Variants in NKAIN3 observed in about 807,000 individuals in gnomAD.
NKAIN3 encodes sodium/potassium transporting ATPase interacting 3.
A neutral mutation model predicts 30.2 loss-of-function variants in NKAIN3; 25 were observed. The observed-to-expected ratio is 0.83, with a 90% CI of 0.60 to 1.16. The LOEUF is 1.16. Among genes scored for constraint, NKAIN3 ranks in the 50% most tolerant of loss-of-function variants. NKAIN3 has a pLI of 0.00. For synonymous variants in NKAIN3, 91 were observed against 89.6 expected (o/e 1.02, Z -0.09); for missense variants, 225 against 254.1 (o/e 0.89, Z 0.78).
intron 3 of NKAIN3, among the ~76,000 whole-genome samples, chr8:62,677,176 T>C (rs1475740439): frequency 1.3e-5 from 2 of 152,180 alleles, no homozygotes; most frequent in South Asian, 2.1e-4. Context: ...TTCTCAGAAA[T>C]AGCACCTGTA....
At chr8:62,553,009 A>G (rs1809266151) in intron 1 of NKAIN3, among the ~76,000 whole-genome samples, 1 of 152,186 alleles carries the variant, frequency 6.6e-6, no homozygotes, top group Non-Finnish European at 1.5e-5. Context: ...AAAAGCCCCA[A>G]ATCTCCTTCC....
intron 4 of NKAIN3, among the ~76,000 whole-genome samples, chr8:62,882,458 T>C (rs531309066): frequency 1.3e-5 from 2 of 152,040 alleles, no homozygotes; most frequent in Non-Finnish European, 2.9e-5. Context: ...GCTAGCATTA[T>C]AGGCATCCAT....
At chr8:62,900,416 G>A (rs1279305033) in intron 4 of NKAIN3, among the ~76,000 whole-genome samples, 1 of 152,194 alleles carries the variant, frequency 6.6e-6, no homozygotes, top group Non-Finnish European at 1.5e-5. Flanking sequence ...ACTTTGCTAA[G>A]TAAATGCAGC....
intron 1 of NKAIN3, among the ~76,000 whole-genome samples, chr8:62,368,817 T>C (rs1816817738): frequency 1.1e-5 from 1 of 87,700 alleles, no homozygotes; most frequent in Non-Finnish European, 3.0e-5. Context: ...TAAAAACTTT[T>C]TCTTGTTTTT....
Position 62,579,547 on chromosome 8 carries a change from A to G in NKAIN3, c.63A>G (p.Ala21=), listed in dbSNP as rs745458060. 6.8e-6 allele frequency: 11 copies of G among 1,608,420 alleles called. No individual in the cohort carries two copies. The highest frequency in any genetic ancestry group is 9.3e-6 in the Non-Finnish European group (11 of 1,177,540). Residue 21 remains alanine, a synonymous_variant, in exon 2 of 7, where the codon GCA becomes GCG. Coordinates refer to ENST00000623646, the MANE Select transcript of NKAIN3 (RefSeq NM_001304533.3). ...ICLCALQLVS[A]LERQIFDFLG... is the part of the protein sequence containing the mutation. ...TTCTTTTTTTGTTGTAGGTCTCAGCATTAGAGAGGCAGATCTTTGACTTCC... is the reference window on the plus strand; with the variant it reads ...TTCTTTTTTTGTTGTAGGTCTCAGCGTTAGAGAGGCAGATCTTTGACTTCC...
In NKAIN3 at chr8:62,278,620, C is replaced by T. The variant is rs555798067; in HGVS notation, c.54+29493C>T. 9.2e-5 allele frequency among the ~76,000 whole-genome samples: 14 copies of T among 152,098 alleles called. No homozygotes were observed. In the South Asian group the frequency reaches 2.9e-3, roughly 32 times the overall value. On this transcript the variant is annotated intron_variant, in intron 1 of 6. Coordinates refer to ENST00000623646, the MANE Select transcript of NKAIN3 (RefSeq NM_001304533.3). Reference sequence around the variant, plus strand: ...TTCAGTTCACACCTATGAGTGAGAACATGTGGTGTTTGGTTTTTTATCCCT... The same window carrying T: ...TTCAGTTCACACCTATGAGTGAGAATATGTGGTGTTTGGTTTTTTATCCCT...
intron 6 of NKAIN3, among the ~76,000 whole-genome samples, chr8:62,958,087 T>C (rs1439258456): frequency 1.3e-5 from 2 of 152,176 alleles, no homozygotes; most frequent in African/African-American, 4.8e-5. Flanking sequence ...ATCCCCAGCA[T>C]GGAGGCTGAT....
At chr8:62,813,331 C>A (rs1818554250) in intron 4 of NKAIN3, among the ~76,000 whole-genome samples, 1 of 138,828 alleles carries the variant, frequency 7.2e-6, no homozygotes, top group East Asian at 2.0e-4. Context: ...TGTTCAGAAT[C>A]TTTTGTTATT....
intron 4 of NKAIN3, among the ~76,000 whole-genome samples, chr8:62,839,803 A>AG (rs1361849863): frequency 6.6e-6 from 1 of 151,936 alleles, no homozygotes; most frequent in African/African-American, 2.4e-5. Context: ...AAATTTTGTT[A>AG]GGGTCTCACT....
At chr8:62,418,365 A>G (rs915923949) in intron 1 of NKAIN3, among the ~76,000 whole-genome samples, 25 of 152,174 alleles carry the variant, frequency 1.6e-4, no homozygotes, top group African/African-American at 5.3e-4. Flanking sequence ...AGGAAAAAAA[A>G]TTGTGCTTAC....
At chr8:62,302,116 G>A (rs1214581688) in intron 1 of NKAIN3, among the ~76,000 whole-genome samples, 1 of 152,034 alleles carries the variant, frequency 6.6e-6, no homozygotes, top group Non-Finnish European at 1.5e-5. Context: ...CTCCTTACAT[G>A]TTCAGAATTC....
chr8:62,605,818 A>G (rs767917531), intron 3 of NKAIN3, among the ~76,000 whole-genome samples: 1 of 152,084 alleles, frequency 6.6e-6, no homozygotes, highest in Non-Finnish European at 1.5e-5. Flanking sequence ...GGGGCCTGGA[A>G]TCAATGCCCC....
intron 4 of NKAIN3, chr8:62,856,528 T>C: frequency 1.3e-6 from 1 of 781,354 alleles, no homozygotes; most frequent in Non-Finnish European, 2.3e-6. Context: ...ATCACCAGCT[T>C]TGGTCCTGGC....
At chr8:62,663,842 C>T (rs371138097) in intron 3 of NKAIN3, among the ~76,000 whole-genome samples, 28 of 152,222 alleles carry the variant, frequency 1.8e-4, no homozygotes, top group African/African-American at 6.7e-4. Context: ...GCGTGATGCC[C>T]AGATGATCCT....
intron 1 of NKAIN3, among the ~76,000 whole-genome samples, chr8:62,440,687 T>C (rs1340552851): frequency 7.0e-6 from 1 of 143,098 alleles, no homozygotes; most frequent in Non-Finnish European, 1.6e-5. Flanking sequence ...TTCCTTCTTT[T>C]TCTTCTTCTT....
intron 1 of NKAIN3, among the ~76,000 whole-genome samples, chr8:62,257,830 G>A (rs1169704630): frequency 6.6e-6 from 1 of 151,966 alleles, no homozygotes; most frequent in Non-Finnish European, 1.5e-5. Flanking sequence ...ATAATGAATT[G>A]CTTTTGTTTT....
rs537006891 is a variant in NKAIN3, at chr8:62,816,306, G to A, written c.471+69177G>A. Among the ~76,000 whole-genome samples, 7 of 152,256 alleles carry A rather than the reference G, an allele frequency of 4.6e-5. No homozygotes were observed. In the South Asian group the frequency reaches 1.5e-3, roughly 32 times the overall value. The stretch of plus-strand genomic sequence containing the variant: ...TGTTCAGCTGTAATAAATGTCAGTG[G>A]TGTATACAATTGTCTCCATGGCCTA... On this transcript the variant is annotated intron_variant, in intron 4 of 6. Coordinates refer to ENST00000623646, the MANE Select transcript of NKAIN3 (RefSeq NM_001304533.3).
chr8:62,859,154 A>G (rs1473170811), intron 4 of NKAIN3, among the ~76,000 whole-genome samples: 1 of 152,074 alleles, frequency 6.6e-6, no homozygotes, highest in Admixed American at 6.5e-5. Flanking sequence ...ACAATCACTC[A>G]CTGCTTCCTT....
At chr8:62,445,980 G>C (rs1805474847) in intron 1 of NKAIN3, among the ~76,000 whole-genome samples, 1 of 152,160 alleles carries the variant, frequency 6.6e-6, no homozygotes, top group African/African-American at 2.4e-5. Context: ...AAATGCCATG[G>C]TAGCAGTTTA....
Sources: gnomAD v4.1 joint callset for allele counts (sites outside exome capture counted in the v4.1 genomes callset) on GRCh38, gnomAD v4.1.1 for gene constraint, MANE v1.5 for transcripts, NCBI Gene and HGNC (gene_info 2026-07-23, HGNC 2026-07-21) for gene names.